The following TENM3 variants were observed in gnomAD, a reference collection of about 807,000 sequenced individuals.
TENM3 encodes the protein teneurin-3.
Under a neutral mutation model 255.1 loss-of-function variants are expected in TENM3, and 63 were observed. The observed-to-expected ratio is 0.25, with a 90% CI of 0.20 to 0.30. The LOEUF (loss-of-function observed/expected upper bound fraction) is 0.30. TENM3 is among the 10% of genes least tolerant of loss of function. The pLI, the probability that TENM3 is intolerant of heterozygous loss-of-function variation, is 1.00. For synonymous variants in TENM3, 1,306 were observed against 1,322.3 expected, an observed-to-expected ratio of 0.99 and a Z score of 0.27; for missense variants, 2,929 against 3,461.1, an observed-to-expected ratio of 0.85 and a Z score of 3.86.
the TENM3 span, among the ~76,000 whole-genome samples, chr4:182,089,908 T>C: frequency 6.6e-6 from 1 of 152,204 alleles, no homozygotes; most frequent in Non-Finnish European, 1.5e-5. Flanking sequence ...GGAAAAGACA[T>C]AGTTTATTGC....
the TENM3 span, among the ~76,000 whole-genome samples, chr4:181,760,209 A>C: frequency 1.1e-3 from 168 of 152,278 alleles, no homozygotes; most frequent in African/African-American, 3.6e-3. Context: ...CCAAAAAAAA[A>C]ATCTCCACAT....
chr4:181,792,683 C>T, the TENM3 span, among the ~76,000 whole-genome samples: 7 of 152,274 alleles, frequency 4.6e-5, no homozygotes, highest in African/African-American at 1.4e-4. Flanking sequence ...GACATTTTGC[C>T]ATTTCTAATG....
rs1422252155 is a variant in TENM3 at position 182,150,002 on chromosome 4, A to C, written c.-76+5248A>C. The stretch of plus-strand genomic sequence containing the variant: ...TCATTTATATAATTATATAAAAGTC[A>C]TGGGATACAAAAATTGCGTTTGTTG... On this transcript the variant is annotated intron_variant, in intron 1 of 2. Transcript: ENST00000512480. Among the ~76,000 whole-genome samples the C allele has an allele frequency of 2.0e-5, 3 of 152,224 alleles. No individual in the cohort carries two copies. The East Asian group carries it at 5.8e-4, about 29-fold the overall frequency.
At chr4:181,720,751 A>C in the TENM3 span, among the ~76,000 whole-genome samples, 1 of 152,236 alleles carries the variant, frequency 6.6e-6, no homozygotes, top group Non-Finnish European at 1.5e-5. Context: ...AAGTTATTCA[A>C]TGTCAAATCT....
chr4:182,029,981 T>C, the TENM3 span, among the ~76,000 whole-genome samples: 1 of 149,508 alleles, frequency 6.7e-6, no homozygotes, highest in East Asian at 2.0e-4. Context: ...CGAAAGCACC[T>C]TCTGCATGCA....
rs3071526 is a variant in TENM3 at position 182,217,009 on chromosome 4, CTTTTTTTTTTTTTTTTTTT to C, written c.-76+72268_-76+72286del. Among the ~76,000 whole-genome samples the C allele has an allele frequency of 5.9e-5, 4 of 67,530 alleles. No individual in the cohort carries two copies. In the Admixed American group the frequency reaches 1.0e-3, roughly 17 times the overall value. 44.3% of individuals were successfully genotyped at this position (67,530 alleles called of 152,430 possible). A position where few individuals can be genotyped will look rare whatever the true frequency, so the allele number is the denominator to read the frequency against. On this transcript the variant is annotated intron_variant, in intron 1 of 2. Coordinates refer to the TENM3 transcript ENST00000512480. ...TCTAAATTTCACCATCATTTTCTTTCTTTTTTTTTTTTTTTTTTTTTTTTTTTTTTTGAGACAGAGTCTC... is the reference window on the plus strand; with the variant it reads ...TCTAAATTTCACCATCATTTTCTTTCTTTTTTTTTTTTGAGACAGAGTCTC...
At chr4:182,225,428 C>T (rs1473426291) in intron 1 of TENM3, among the ~76,000 whole-genome samples, 1 of 152,068 alleles carries the variant, frequency 6.6e-6, no homozygotes, top group African/African-American at 2.4e-5. Context: ...TGAAGTGGCC[C>T]CGATGTTTGC....
At chr4:181,702,447 T>C in the TENM3 span, among the ~76,000 whole-genome samples, 1 of 152,206 alleles carries the variant, frequency 6.6e-6, no homozygotes, top group African/African-American at 2.4e-5. Flanking sequence ...GTTTTCTCAA[T>C]GGATAATATG....
chr4:181,459,581 AC>A, the TENM3 span, among the ~76,000 whole-genome samples: 1,383 of 151,984 alleles, frequency 9.1e-3, 11 homozygotes, highest in Non-Finnish European at 0.016. Context: ...TTCCCACATT[AC>A]ATGTTAAAAA....
At chr4:182,532,610 T>C (rs1739884364) in intron 3 of TENM3, among the ~76,000 whole-genome samples, 1 of 152,218 alleles carries the variant, frequency 6.6e-6, no homozygotes, top group Non-Finnish European at 1.5e-5. Context: ...ATTACCACAT[T>C]AACTCTTTCT....
At chr4:182,783,662 G>A (rs1209606635) in intron 24 of TENM3, among the ~76,000 whole-genome samples, 4 of 151,950 alleles carry the variant, frequency 2.6e-5, no homozygotes, top group African/African-American at 9.7e-5. Flanking sequence ...TTCCAACTTG[G>A]TTCCATTCTC....
chr4:181,486,663 A>G, the TENM3 span, among the ~76,000 whole-genome samples: 3 of 152,190 alleles, frequency 2.0e-5, no homozygotes. Context: ...GCTATTTACA[A>G]CACCACAGTT....
the TENM3 span, among the ~76,000 whole-genome samples, chr4:181,731,532 T>C: frequency 6.6e-6 from 1 of 152,108 alleles, no homozygotes; most frequent in Non-Finnish European, 1.5e-5. Flanking sequence ...TTTATATTTT[T>C]TGTAGATGTA....
At chr4:182,330,507 G>A (rs530341939) in intron 2 of TENM3, among the ~76,000 whole-genome samples, 1 of 152,310 alleles carries the variant, frequency 6.6e-6, no homozygotes, top group South Asian at 2.1e-4. Flanking sequence ...GAAGGTCAAG[G>A]GGAAAGTGAG....
intron 1 of TENM3, among the ~76,000 whole-genome samples, chr4:182,185,582 CAG>C (rs945243022): frequency 1.3e-5 from 2 of 152,206 alleles, no homozygotes; most frequent in East Asian, 1.9e-4. Flanking sequence ...TCTCACCAGA[CAG>C]AGAGTGCGTC....
intron 3 of TENM3, among the ~76,000 whole-genome samples, chr4:182,483,215 T>C (rs1734368840): frequency 6.6e-6 from 1 of 152,220 alleles, no homozygotes; most frequent in Non-Finnish European, 1.5e-5. Flanking sequence ...AACATTGTGT[T>C]TGTCTCTATG....
intron 3 of TENM3, among the ~76,000 whole-genome samples, chr4:182,572,671 A>G (rs1744513358): frequency 6.6e-6 from 1 of 152,216 alleles, no homozygotes; most frequent in Non-Finnish European, 1.5e-5. Flanking sequence ...CTAAGTAGAA[A>G]AAAACAAAAT....
At chr4:181,485,081 G>A in the TENM3 span, among the ~76,000 whole-genome samples, 4 of 152,082 alleles carry the variant, frequency 2.6e-5, no homozygotes, top group African/African-American at 4.8e-5. Context: ...AGCTGGAAGC[G>A]TCCTTGTTTT....
chr4:182,549,155 A>G (rs995373080), intron 3 of TENM3, among the ~76,000 whole-genome samples: 1 of 152,224 alleles, frequency 6.6e-6, no homozygotes, highest in Admixed American at 6.5e-5. Context: ...GGAACCATGT[A>G]TTATTCTGGG....
Sources: gnomAD v4.1 joint callset for allele counts (sites outside exome capture counted in the v4.1 genomes callset) on GRCh38, gnomAD v4.1.1 for gene constraint, MANE v1.5 for transcripts, NCBI Gene and HGNC (gene_info 2026-07-23, HGNC 2026-07-21) for gene names.